MRPL13: variants seen among roughly 807,000 people sequenced by gnomAD.
MRPL13 encodes mitochondrial ribosomal protein L13.
In MRPL13, 33 loss-of-function variants were observed where a neutral mutation model predicts 29.0. The observed-to-expected ratio is 1.14, with a 90% CI of 0.86 to 1.52. The LOEUF (loss-of-function observed/expected upper bound fraction) is 1.52. Ranked by LOEUF, MRPL13 falls within the 40% of genes most tolerant of loss-of-function variation. The probability of loss-of-function intolerance (pLI) is 0.00; values close to 1 mark genes in which losing one functional copy is unlikely to be tolerated. For missense variants in MRPL13, 227 were observed against 216.7 expected, an observed-to-expected ratio of 1.05 and a Z score of -0.30; for synonymous variants, 77 against 68.4, an observed-to-expected ratio of 1.13 and a Z score of -0.62.
chr8:120,427,452 A>T (rs1417919921), intron 3 of MRPL13, among the ~76,000 whole-genome samples: 1 of 152,212 alleles, frequency 6.6e-6, no homozygotes, highest in African/African-American at 2.4e-5. Context: ...AAAAAAATCA[A>T]TGGACAAAGA....
chr8:120,435,922 C>T (rs184512853), intron 2 of MRPL13, among the ~76,000 whole-genome samples: 1 of 152,134 alleles, frequency 6.6e-6, no homozygotes, highest in African/African-American at 2.4e-5. Flanking sequence ...GTATGTAAGT[C>T]TTCTTTTGAA....
chr8:120,411,295 T>C (rs1440097538), intron 6 of MRPL13, among the ~76,000 whole-genome samples: 1 of 152,190 alleles, frequency 6.6e-6, no homozygotes, highest in African/African-American at 2.4e-5. Context: ...CTTGAACTCC[T>C]GAACTCAAGA....
At chr8:120,399,956 C>T (rs1169305798) in intron 6 of MRPL13, among the ~76,000 whole-genome samples, 2 of 152,098 alleles carry the variant, frequency 1.3e-5, no homozygotes, top group African/African-American at 4.8e-5. Flanking sequence ...ATATATGCAC[C>T]TAATTCAGGA....
intron 5 of MRPL13, among the ~76,000 whole-genome samples, chr8:120,419,166 A>G (rs976169419): frequency 6.6e-6 from 1 of 151,974 alleles, no homozygotes; most frequent in African/African-American, 2.4e-5. Context: ...TATTATGTCA[A>G]CTTCACAGAT....
At chr8:120,436,137 G>A (rs1011565386) in intron 2 of MRPL13, among the ~76,000 whole-genome samples, 8 of 152,080 alleles carry the variant, frequency 5.3e-5, no homozygotes, top group East Asian at 1.9e-4. Context: ...AGGGTGAAGC[G>A]ATTAATTGGT....
chr8:120,433,312 A>G (rs2130480867), intron 2 of MRPL13, among the ~76,000 whole-genome samples: 1 of 152,240 alleles, frequency 6.6e-6, no homozygotes, highest in African/African-American at 2.4e-5. Context: ...AAAAACACTG[A>G]AATTACTTTA....
At chr8:120,440,562 G>C in intron 2 of MRPL13, among the ~76,000 whole-genome samples, 1 of 148,916 alleles carries the variant, frequency 6.7e-6, no homozygotes, top group East Asian at 2.0e-4. Flanking sequence ...CCAAGATTGG[G>C]CCACTGCACT....
intron 3 of MRPL13, among the ~76,000 whole-genome samples, chr8:120,430,905 C>T (rs1474249298): frequency 1.3e-5 from 2 of 152,140 alleles, no homozygotes; most frequent in Non-Finnish European, 2.9e-5. Context: ...TGTGTCAATA[C>T]TTCCCTTTAT....
chr8:120,414,980 A>AT (rs943325571), intron 5 of MRPL13: 2 of 152,198 alleles, frequency 1.3e-5, no homozygotes, highest in Admixed American at 6.5e-5. Context: ...TCAAGGTAAG[A>AT]TTTTTTAAAG....
intron 6 of MRPL13, among the ~76,000 whole-genome samples, chr8:120,400,742 A>AAAT (rs1491384934): frequency 0.02 from 1,515 of 76,628 alleles, 27 homozygotes; most frequent in African/African-American, 0.093. Context: ...ATAAATAAAT[A>AAAT]AAAAAAATAG....
chr8:120,443,249 G>T lies in MRPL13; in HGVS notation c.87C>A (p.Gly29=), dbSNP rs1231147174. Residue 29 remains glycine (G), a synonymous_variant, in exon 2 of 7, where the codon GGC becomes GGA. Transcript: ENST00000306185. ...TTATAGATGCCATAGCAGCAAGTTTGCCAGGTGGCTGCATTTTCCCATCTA... is the reference window on the plus strand; with the variant it reads ...TTATAGATGCCATAGCAGCAAGTTTTCCAGGTGGCTGCATTTTCCCATCTA... ...YLLDGKMQPP[G]KLAAMASIRL... 1.2e-6 allele frequency: 2 copies of T among 1,608,876 alleles called. No individual in the cohort carries two copies. The highest frequency in any genetic ancestry group is 2.2e-5 in the East Asian group (1 of 44,574).
chr8:120,402,084 T>C (rs932965544), intron 6 of MRPL13, among the ~76,000 whole-genome samples: 14 of 152,308 alleles, frequency 9.2e-5, no homozygotes, highest in African/African-American at 2.6e-4. Flanking sequence ...CCCAAAGTAA[T>C]TTACAGATTC....
chr8:120,441,216 G>C (rs770153760), intron 2 of MRPL13, among the ~76,000 whole-genome samples: 1 of 152,108 alleles, frequency 6.6e-6, no homozygotes, highest in East Asian at 1.9e-4. Context: ...CTTATTCATT[G>C]GAGATGTCTA....
chr8:120,443,560 A>G (rs1228612447), intron 1 of MRPL13, among the ~76,000 whole-genome samples: 1 of 151,810 alleles, frequency 6.6e-6, no homozygotes, highest in Non-Finnish European at 1.5e-5. Context: ...CCTGTTAGCA[A>G]TATGACTTAC....
intron 6 of MRPL13, among the ~76,000 whole-genome samples, chr8:120,409,981 A>T (rs1812722266): frequency 6.6e-6 from 1 of 152,198 alleles, no homozygotes; most frequent in East Asian, 1.9e-4. Context: ...ATAAAATCCC[A>T]ACAATGCTAG....
intron 6 of MRPL13, among the ~76,000 whole-genome samples, chr8:120,407,199 CATTT>C (rs1297669967): frequency 2.6e-5 from 4 of 152,150 alleles, no homozygotes; most frequent in African/African-American, 4.8e-5. Context: ...GAAGTCAAAA[CATTT>C]ATATTATCTT....
chr8:120,425,407 G>A (rs1409021466), intron 3 of MRPL13, 41 bp from the exon 4 acceptor site: 2 of 1,337,246 alleles, frequency 1.5e-6, no homozygotes. Flanking sequence ...GGCATAGGCT[G>A]ATACTGTATT....
At chr8:120,414,150 A>G (rs1812774980) in intron 5 of MRPL13, 38 bp from the exon 6 acceptor site, 8 of 1,404,962 alleles carry the variant, frequency 5.7e-6, no homozygotes, top group Non-Finnish European at 7.5e-6. Flanking sequence ...TTTTCTTAAA[A>G]TATCTTTCTT....
chr8:120,433,423 T>A (rs951359323), intron 2 of MRPL13, among the ~76,000 whole-genome samples: 4 of 152,052 alleles, frequency 2.6e-5, no homozygotes, highest in African/African-American at 7.2e-5. Context: ...CCATAACATC[T>A]ATTTGGAGGA....
Sources: gnomAD v4.1 joint callset for allele counts (sites outside exome capture counted in the v4.1 genomes callset) on GRCh38, gnomAD v4.1.1 for gene constraint, MANE v1.5 for transcripts, NCBI Gene and HGNC (gene_info 2026-07-23, HGNC 2026-07-21) for gene names.